EIF2B3: variants seen among roughly 807,000 people sequenced by gnomAD.
EIF2B3 encodes translation initiation factor eIF2B subunit gamma.
EIF2B3 carries 20 observed loss-of-function variants against 54.1 expected under a neutral mutation model. That is an observed-to-expected ratio of 0.37 (90% CI 0.26 to 0.54). The LOEUF (loss-of-function observed/expected upper bound fraction) is 0.54, where lower values mean the gene tolerates loss of function less well. Among genes scored for constraint, EIF2B3 ranks in the 20% least tolerant of loss-of-function variants. EIF2B3 has a pLI of 0.86. For synonymous variants in EIF2B3, 153 were observed against 188.1 expected (o/e 0.81, Z 1.52); for missense variants, 448 against 547.8 (o/e 0.82, Z 1.82).
At position 44,954,754 on chromosome 1, in the gene EIF2B3, T is replaced by C. The variant is rs930672533; in HGVS notation, c.295-13089A>G. Among the ~76,000 whole-genome samples, 9 of 152,182 alleles carry C rather than the reference T, an allele frequency of 5.9e-5. No homozygotes were observed. In the East Asian group the frequency reaches 1.7e-3, roughly 29 times the overall value. On this transcript the variant is annotated intron_variant, in intron 3 of 11. Coordinates refer to ENST00000360403, the MANE Select transcript of EIF2B3 (RefSeq NM_020365.5). ...TGATTGCCCTGACCAGAACTTCCAA[T>C]ACTATGTTGAATAGGAGTGGTGAGA...
In EIF2B3 at chr1:44,864,958, C is replaced by T. The variant is rs576546180; in HGVS notation, c.1203-7151G>A. On this transcript the variant is annotated intron_variant, in intron 10 of 11. Coordinates refer to ENST00000360403, the MANE Select transcript of EIF2B3 (RefSeq NM_020365.5). ...CCAGGCTGGGCGTGGCGGCTTACACCTGTAATCCCAGCACTTTGGGAGGCC... is the reference window on the plus strand; with the variant it reads ...CCAGGCTGGGCGTGGCGGCTTACACTTGTAATCCCAGCACTTTGGGAGGCC... 1.1e-3 allele frequency among the ~76,000 whole-genome samples: 174 copies of T among 152,362 alleles called. 2 individuals carry two copies. Among genetic ancestry groups the T allele is most frequent in the African/African-American group, 3.7e-3 (154 of 41,584 alleles).
intron 6 of EIF2B3, among the ~76,000 whole-genome samples, chr1:44,884,819 C>T (rs1168033520): frequency 6.6e-6 from 1 of 152,178 alleles, no homozygotes; most frequent in African/African-American, 2.4e-5. Context: ...AAGAGGCAAG[C>T]AGACGAGCCT....
chr1:44,859,116 T>C (rs180879779), intron 10 of EIF2B3, among the ~76,000 whole-genome samples: 2 of 151,944 alleles, frequency 1.3e-5, no homozygotes, highest in East Asian at 1.9e-4. Context: ...TTGGGCAGCA[T>C]TGTGAGACTC....
intron 3 of EIF2B3, among the ~76,000 whole-genome samples, chr1:44,963,443 C>A (rs1644306259): frequency 6.6e-6 from 1 of 151,770 alleles, no homozygotes; most frequent in South Asian, 2.1e-4. Context: ...CTAACTGTTA[C>A]ATTTTTTGTA....
intron 3 of EIF2B3, chr1:44,958,597 A>T: frequency 6.8e-7 from 1 of 1,465,634 alleles, no homozygotes; most frequent in Non-Finnish European, 9.5e-7. Context: ...AATTATCAAA[A>T]GTGTGGCATC....
At position 44,877,195 on chromosome 1, in the gene EIF2B3, A is replaced by T. The variant is rs546097438; in HGVS notation, c.976-1500T>A. On this transcript the variant is annotated intron_variant, in intron 8 of 11. Coordinates refer to ENST00000360403, the MANE Select transcript of EIF2B3 (RefSeq NM_020365.5). ...AGAAACACCCAAGAATGATCAATAA[A>T]AAAAAAAAAAAAAAAAAAAAAAAAA... Among the ~76,000 whole-genome samples the T allele has an allele frequency of 4.4e-4, 62 of 140,100 alleles. 1 individual carries two copies. The highest frequency in any genetic ancestry group is 3.6e-3 in the Middle Eastern group (1 of 276). 91.9% of individuals were successfully genotyped at this position (140,100 alleles called of 152,430 possible).
At chr1:44,939,077 C>T (rs959582604) in intron 4 of EIF2B3, among the ~76,000 whole-genome samples, 11 of 129,082 alleles carry the variant, frequency 8.5e-5, no homozygotes, top group African/African-American at 2.7e-4. Context: ...ACTCTAGCCT[C>T]GGCAACAGAG....
intron 5 of EIF2B3, among the ~76,000 whole-genome samples, chr1:44,900,490 TA>T (rs1323319924): frequency 7.6e-6 from 1 of 131,042 alleles, no homozygotes; most frequent in Non-Finnish European, 1.6e-5. Flanking sequence ...ACAACAAGGA[TA>T]CACAACCAGG....
chr1:44,965,611 G>C (rs1644328500), intron 3 of EIF2B3, among the ~76,000 whole-genome samples: 1 of 150,064 alleles, frequency 6.7e-6, no homozygotes, highest in Admixed American at 6.6e-5. Flanking sequence ...AAAGGCCTGG[G>C]TATCTGAGAT....
intron 5 of EIF2B3, among the ~76,000 whole-genome samples, chr1:44,921,648 C>T (rs1643740268): frequency 6.6e-6 from 1 of 152,094 alleles, no homozygotes; most frequent in Admixed American, 6.6e-5. Flanking sequence ...AGAGATTGTC[C>T]TTTCCCCAAC....
chr1:44,904,550 G>A (rs1643378276), intron 5 of EIF2B3, among the ~76,000 whole-genome samples: 1 of 151,776 alleles, frequency 6.6e-6, no homozygotes, highest in African/African-American at 2.4e-5. Context: ...GTCTCGTTCT[G>A]TTGCCCAGGC....
At chr1:44,966,438 CAAAAAAA>C (rs60200568) in intron 3 of EIF2B3, among the ~76,000 whole-genome samples, 1 of 85,966 alleles carries the variant, frequency 1.2e-5, no homozygotes, top group Non-Finnish European at 2.4e-5. Flanking sequence ...GACTCTGTCT[CAAAAAAA>C]AAAAAAAAAA....
intron 6 of EIF2B3, among the ~76,000 whole-genome samples, chr1:44,882,412 T>C (rs115368401): frequency 0.011 from 1,741 of 152,100 alleles, 11 homozygotes; most frequent in Non-Finnish European, 0.02. Context: ...TTCCTGGACA[T>C]AGGCTGAGCT....
chr1:44,873,001 T>TC (rs1385688146), intron 10 of EIF2B3, among the ~76,000 whole-genome samples: 1 of 152,188 alleles, frequency 6.6e-6, no homozygotes, highest in African/African-American at 2.4e-5. Context: ...GGAGAGGCAA[T>TC]TATTAGCATC....
At chr1:44,974,530 A>T (rs1443209792) in intron 3 of EIF2B3, among the ~76,000 whole-genome samples, 1 of 151,364 alleles carries the variant, frequency 6.6e-6, no homozygotes, top group African/African-American at 2.4e-5. Flanking sequence ...ACATGCCTGT[A>T]GTCCTAGTTA....
At position 44,881,774 on chromosome 1, in the gene EIF2B3, G is replaced by A. The variant is rs1210210474; in HGVS notation, c.657-35C>T. On this transcript the variant is annotated intron_variant, in intron 6 of 11. Transcript: ENST00000360403. The surrounding 1 kb of genome is among the most constrained non-coding windows in gnomAD (Gnocchi z 4.0). ...AAGAATGGCCAAATATGAGAAACCT[G>A]ACTGTCTGGAACATACCCGGATCAA... The A allele has an allele frequency of 1.2e-6, 2 of 1,612,372 alleles. No homozygotes were observed. The highest frequency in any genetic ancestry group is 2.2e-5 in the South Asian group (2 of 90,918).
At chr1:44,978,626 T>TTTA (rs1355135451) in intron 2 of EIF2B3, among the ~76,000 whole-genome samples, 166 bp from the exon 3 acceptor site, 1 of 44,708 alleles carries the variant, frequency 2.2e-5, no homozygotes, top group African/African-American at 7.0e-5. Flanking sequence ...AAATTCTTTT[T>TTTA]TTTTTTTTTT....
intron 2 of EIF2B3, among the ~76,000 whole-genome samples, chr1:44,979,474 CAAAAA>C (rs34452633): frequency 2.5e-4 from 14 of 56,012 alleles, no homozygotes; most frequent in African/African-American, 6.9e-5. Context: ...CTGTCTCTGC[CAAAAA>C]AAAAAAAAAA....
At chr1:44,879,406 T>C (rs1189189332) in intron 8 of EIF2B3, among the ~76,000 whole-genome samples, 1 of 152,234 alleles carries the variant, frequency 6.6e-6, no homozygotes, top group Non-Finnish European at 1.5e-5. Flanking sequence ...GGCCACTCTA[T>C]ACTCTGCTCC....
Sources: gnomAD v4.1 joint callset for allele counts (sites outside exome capture counted in the v4.1 genomes callset) on GRCh38, gnomAD v4.1.1 for gene constraint, Gnocchi (gnomAD v3.1) non-coding constraint, MANE v1.5 for transcripts, NCBI Gene and HGNC (gene_info 2026-07-23, HGNC 2026-07-21) for gene names.